SGMS1: variants seen among roughly 807,000 people sequenced by gnomAD.
The protein encoded by SGMS1 is sphingomyelin synthase 1, also known as phosphatidylcholine:ceramide cholinephosphotransferase 1.
SGMS1 carries 13 observed loss-of-function variants against 46.2 expected under a neutral mutation model. The observed-to-expected ratio is 0.28, with a 90% confidence interval of 0.18 to 0.45. The LOEUF is 0.45. Among genes scored for constraint, SGMS1 ranks in the 20% least tolerant of loss-of-function variants. SGMS1 has a pLI of 1.00. For missense variants in SGMS1, 324 were observed against 519.9 expected (o/e 0.62, Z 3.66); for synonymous variants, 203 against 187.8 (o/e 1.08, Z -0.66).
chr10:50,444,147 A>G, intron 5 of SGMS1, among the ~76,000 whole-genome samples: 1 of 152,206 alleles, frequency 6.6e-6, no homozygotes, highest in Non-Finnish European at 1.5e-5. Context: ...AATATACAGT[A>G]AATGTAAATA....
At chr10:50,467,858 G>T (rs1365224692) in intron 3 of SGMS1, among the ~76,000 whole-genome samples, 1 of 152,150 alleles carries the variant, frequency 6.6e-6, no homozygotes, top group African/African-American at 2.4e-5. Context: ...AAAAGTTTTG[G>T]CTGATTAGTT....
chr10:50,416,561 G>A (rs1053081348), intron 6 of SGMS1, among the ~76,000 whole-genome samples: 3 of 152,082 alleles, frequency 2.0e-5, no homozygotes, highest in Admixed American at 6.5e-5. Flanking sequence ...ACCACCTGAG[G>A]GGGCTTTTTC....
intron 6 of SGMS1, among the ~76,000 whole-genome samples, chr10:50,402,083 C>T (rs923523853): frequency 1.3e-5 from 2 of 152,040 alleles, no homozygotes; most frequent in African/African-American, 4.8e-5. Context: ...CAATATTCTG[C>T]CTAAAAAATT....
chr10:50,399,950 A>T (rs1476315732), intron 6 of SGMS1, among the ~76,000 whole-genome samples: 1 of 150,400 alleles, frequency 6.6e-6, no homozygotes, highest in Non-Finnish European at 1.5e-5. Context: ...AATGGCATGA[A>T]CCTAGGAGGC....
chr10:50,475,000 G>C (rs1837407782), intron 3 of SGMS1, among the ~76,000 whole-genome samples: 1 of 152,080 alleles, frequency 6.6e-6, no homozygotes, highest in South Asian at 2.1e-4. Flanking sequence ...GAATAAAACT[G>C]CTCCAAAAGC....
chr10:50,475,047 G>C (rs1415000479), intron 3 of SGMS1, among the ~76,000 whole-genome samples: 1 of 152,102 alleles, frequency 6.6e-6, no homozygotes, highest in Non-Finnish European at 1.5e-5. Flanking sequence ...CCAAGACTGA[G>C]AAATGGGAAA....
chr10:50,411,727 T>G (rs1176141330), intron 6 of SGMS1, among the ~76,000 whole-genome samples: 1 of 152,190 alleles, frequency 6.6e-6, no homozygotes, highest in East Asian at 1.9e-4. Flanking sequence ...GGTTTGAGTA[T>G]CAAACTCTCC....
chr10:50,316,552 T>G (rs1308983061), intron 8 of SGMS1, among the ~76,000 whole-genome samples: 1 of 152,192 alleles, frequency 6.6e-6, no homozygotes, highest in African/African-American at 2.4e-5. Context: ...CTAGGTACCT[T>G]GCAGAAGTAA....
Position 50,612,221 on chromosome 10 carries a change from C to T in SGMS1, c.-684+11486G>A, listed in dbSNP as rs117672146. The stretch of plus-strand genomic sequence containing the variant: ...TAGCTGAGGATCCTCCACCCCTTAA[C>T]CTGAGATTTGTTATAACATCCCGTC... On this transcript the variant is annotated intron_variant, in intron 1 of 10. Transcript: ENST00000361781. Among the ~76,000 whole-genome samples the T allele has an allele frequency of 6.0e-3, 917 of 152,354 alleles. 6 individuals are homozygous for T. Among genetic ancestry groups the T allele is most frequent in the Admixed American group, 0.013 (192 of 15,304 alleles).
intron 3 of SGMS1, among the ~76,000 whole-genome samples, chr10:50,505,526 T>A (rs1305864069): frequency 1.3e-5 from 2 of 152,128 alleles, no homozygotes; most frequent in African/African-American, 4.8e-5. Context: ...CAGCCTCAGG[T>A]TAATTTAAAA....
chr10:50,512,570 G>A lies in SGMS1; in HGVS notation c.-498+7261C>T, dbSNP rs79749711. ...CAATGACCTGGGTTTGCCAGTCCAT[G>A]AGGGCTGGGTCCTATCCTGCAATGC... On this transcript the variant is annotated intron_variant, in intron 3 of 10. Transcript: ENST00000361781. Among the ~76,000 whole-genome samples the A allele has an allele frequency of 2.6e-3, 392 of 152,274 alleles. 1 individual carries two copies. The highest frequency in any genetic ancestry group is 8.5e-3 in the African/African-American group (354 of 41,544).
chr10:50,390,084 T>G (rs918642909), intron 6 of SGMS1, among the ~76,000 whole-genome samples: 13 of 152,246 alleles, frequency 8.5e-5, no homozygotes, highest in Non-Finnish European at 1.5e-4. Flanking sequence ...TATTTGAAAT[T>G]ATATTAACCT....
At chr10:50,618,557 T>C (rs1838819247) in intron 1 of SGMS1, among the ~76,000 whole-genome samples, 1 of 152,110 alleles carries the variant, frequency 6.6e-6, no homozygotes, top group Admixed American at 6.5e-5. Flanking sequence ...TCATATAAGT[T>C]CACAAAAAGA....
At chr10:50,352,541 A>C (rs1434638345) in intron 6 of SGMS1, among the ~76,000 whole-genome samples, 6 of 152,226 alleles carry the variant, frequency 3.9e-5, no homozygotes, top group Non-Finnish European at 8.8e-5. Context: ...TGAGACACAG[A>C]AGTAGCACAG....
intron 6 of SGMS1, among the ~76,000 whole-genome samples, chr10:50,358,730 A>C (rs1848197851): frequency 6.6e-6 from 1 of 152,224 alleles, no homozygotes; most frequent in African/African-American, 2.4e-5. Context: ...AGATCTTTTA[A>C]GGCAATGTAG....
intron 6 of SGMS1, among the ~76,000 whole-genome samples, chr10:50,387,979 T>TGTTTACACCTGC: frequency 6.6e-6 from 1 of 152,354 alleles, no homozygotes; most frequent in African/African-American, 2.4e-5. Flanking sequence ...GGTTACAGTC[T>TGTTTACACCTGC]GTTTACACCT....
rs562654733 is a variant in SGMS1 at position 50,350,236 on chromosome 10, C to T, written c.-231-5891G>A. 4.5e-4 allele frequency among the ~76,000 whole-genome samples: 68 copies of T among 152,152 alleles called. 1 individual carries two copies. Among genetic ancestry groups the T allele is most frequent in the African/African-American group, 1.3e-3 (54 of 41,520 alleles). ...TGTGGAACTTTGAACTTGAGAGAGA[C>T]GTTTTAGGGTACCTGGCGGAAGAAA... On this transcript the variant is annotated intron_variant, in intron 6 of 10. Transcript: ENST00000361781.
chr10:50,614,989 C>T (rs1019193931), intron 1 of SGMS1, among the ~76,000 whole-genome samples: 7 of 152,302 alleles, frequency 4.6e-5, no homozygotes, highest in East Asian at 3.9e-4. Context: ...CCTGTGATTC[C>T]GACATCTCTG....
intron 3 of SGMS1, among the ~76,000 whole-genome samples, chr10:50,511,896 C>T (rs1170592379): frequency 5.9e-5 from 9 of 152,164 alleles, no homozygotes; most frequent in Non-Finnish European, 1.3e-4. Flanking sequence ...TGCTATTTGT[C>T]CCATGTCTCT....
Sources: gnomAD v4.1 joint callset for allele counts (sites outside exome capture counted in the v4.1 genomes callset) on GRCh38, gnomAD v4.1.1 for gene constraint, MANE v1.5 for transcripts, NCBI Gene and HGNC (gene_info 2026-07-23, HGNC 2026-07-21) for gene names.